The following ESPL1 variants were observed in gnomAD, a reference collection of about 807,000 sequenced individuals.
ESPL1 encodes the protein separin.
In ESPL1, 50 loss-of-function variants were observed where a neutral mutation model predicts 217.2. The ratio of observed to expected loss-of-function variants is 0.23; its 90% CI spans 0.18 to 0.29. ESPL1 has a LOEUF of 0.29. Ranked by LOEUF, ESPL1 falls within the 10% of genes least tolerant of loss-of-function variation. The pLI, the probability that ESPL1 is intolerant of heterozygous loss-of-function variation, is 1.00. For missense variants in ESPL1, 1,834 were observed against 2,603.0 expected (o/e 0.70, Z 6.43); for synonymous variants, 994 against 1,081.3 (o/e 0.92, Z 1.58).
At position 53,279,796 on chromosome 12, in the gene ESPL1, C is replaced by T. The variant is rs780763709; in HGVS notation, c.2429C>T (p.Ser810Leu). The T allele has an allele frequency of 5.0e-6, 8 of 1,613,450 alleles. No homozygotes were observed. The highest frequency in any genetic ancestry group is 4.0e-5 in the African/African-American group (3 of 74,872). The change falls in exon 12 of 31, where the codon TCG becomes TTG. Residue 810 changes from serine to leucine, a missense_variant. This residue lies in a region of ESPL1 where 746 missense variants were observed against 1,077.0 expected (regional missense o/e 0.69). Transcript: ENST00000257934. ...GTCTCTGAGAGACTGAAGGACCACTCGAAGGCAGCTGGCTCCTCCTGCCAC... is the reference window on the plus strand; with the variant it reads ...GTCTCTGAGAGACTGAAGGACCACTTGAAGGCAGCTGGCTCCTCCTGCCAC... ...RIVSERLKDH[S>L]KAAGSSCHIT... is the part of the protein sequence containing the mutation.
intron 19 of ESPL1, 47 bp from the exon 20 acceptor site, chr12:53,288,491 A>G: frequency 6.4e-7 from 1 of 1,574,142 alleles, no homozygotes. Context: ...AACAAAGAGA[A>G]TGGCAGGGGG....
chr12:53,273,835 GGTTT>G (rs1943717467), intron 6 of ESPL1, among the ~76,000 whole-genome samples: 1 of 97,278 alleles, frequency 1.0e-5, no homozygotes, highest in Admixed American at 1.2e-4. Flanking sequence ...TTGGTTTTTT[GGTTT>G]TTTTTTTTTT....
At position 53,293,523 on chromosome 12, in the gene ESPL1, C is replaced by G; in HGVS notation, c.*49C>G. 1 of 1,377,666 alleles carries G rather than the reference C, an allele frequency of 7.3e-7. No individual in the cohort carries two copies. The highest frequency in any genetic ancestry group is 1.0e-6 in the Non-Finnish European group (1 of 968,062). The allele number at this position is 1,377,666 out of a possible 1,614,324, so 85.3% of individuals were successfully genotyped here. The stretch of plus-strand genomic sequence containing the variant: ...GCTAGAAGCCTCATAACTGTTCTAC[C>G]TCCAAGGTTAGATTTAATCCTTAGG... On this transcript the variant is annotated 3_prime_UTR_variant, in exon 31 of 31. Coordinates refer to ENST00000257934, the MANE Select transcript of ESPL1 (RefSeq NM_012291.5). The surrounding 1 kb of genome is among the most constrained non-coding windows in gnomAD (Gnocchi z 4.2).
intron 1 of ESPL1, 41 bp downstream of exon 1, chr12:53,268,418 A>C: frequency 7.2e-6 from 2 of 275,888 alleles, no homozygotes; most frequent in Non-Finnish European, 1.4e-5. Context: ...TACGTGCTGA[A>C]GTGAAGGGGA....
chr12:53,278,295 C>T (rs1039667313), intron 11 of ESPL1, among the ~76,000 whole-genome samples: 1 of 151,774 alleles, frequency 6.6e-6, no homozygotes, highest in Non-Finnish European at 1.5e-5. Flanking sequence ...GGCAACACGG[C>T]GAAACCCCGT....
At position 53,283,211 on chromosome 12, in the gene ESPL1, T is replaced by G; in HGVS notation, c.2874T>G (p.Ile958Met). The change falls in exon 15 of 31, where the codon ATT (isoleucine) becomes ATG (methionine). Residue 958 changes from isoleucine to methionine, a missense_variant. Coordinates refer to ENST00000257934, the MANE Select transcript of ESPL1 (RefSeq NM_012291.5). ...TCCTCCTGCTGATGGGCAGTGACATTCTCTCAACTCAGAAAGCAGCTGTGG... is the reference window on the plus strand; with the variant it reads ...TCCTCCTGCTGATGGGCAGTGACATGCTCTCAACTCAGAAAGCAGCTGTGG... The part of the protein sequence containing the change: ...SIILLLMGSD[I>M]LSTQKAAVET... The G allele has an allele frequency of 6.2e-7, 1 of 1,614,186 alleles. No individual in the cohort carries two copies.
At chr12:53,271,172 G>GTTTTT in intron 5 of ESPL1, among the ~76,000 whole-genome samples, 1 of 117,754 alleles carries the variant, frequency 8.5e-6, no homozygotes, top group Non-Finnish European at 1.7e-5. Flanking sequence ...ATATTTAAGT[G>GTTTTT]TTTTTTTTTT....
At chr12:53,284,027 C>A in intron 16 of ESPL1, 31 bp from the exon 17 acceptor site, 1 of 1,464,910 alleles carries the variant, frequency 6.8e-7, no homozygotes, top group Non-Finnish European at 9.6e-7. Flanking sequence ...AAGGATTCCT[C>A]TGATTGGTTC....
intron 5 of ESPL1, among the ~76,000 whole-genome samples, chr12:53,271,877 C>T (rs1943680907): frequency 6.6e-6 from 1 of 152,128 alleles, no homozygotes. Context: ...ATAACGAGGT[C>T]AGGAGATCGA....
chr12:53,283,306 T>G (rs760731691), intron 15 of ESPL1, 49 bp downstream of exon 15: 2 of 1,610,968 alleles, frequency 1.2e-6, no homozygotes, highest in Non-Finnish European at 1.7e-6. Flanking sequence ...ACAGGCTATG[T>G]GAGAGGGCTG....
chr12:53,277,409 T>C, intron 9 of ESPL1, 61 bp from the exon 10 acceptor site: 1 of 1,569,542 alleles, frequency 6.4e-7, no homozygotes, highest in Non-Finnish European at 8.7e-7. Context: ...GCCTGCCGAG[T>C]AGCCAGGACG....
intron 7 of ESPL1, among the ~76,000 whole-genome samples, chr12:53,275,415 C>T (rs191843684): frequency 1.9e-4 from 29 of 152,068 alleles, no homozygotes; most frequent in African/African-American, 4.3e-4. Context: ...GAGCCGAGAT[C>T]GTGCCACTGC....
chr12:53,271,012 G>A (rs1316584861), intron 5 of ESPL1, among the ~76,000 whole-genome samples: 1 of 151,920 alleles, frequency 6.6e-6, no homozygotes, highest in Non-Finnish European at 1.5e-5. Context: ...CTATTTCCTC[G>A]ACTGGAATCT....
intron 16 of ESPL1, 43 bp from the exon 17 acceptor site, chr12:53,284,015 C>A: frequency 7.1e-7 from 1 of 1,410,298 alleles, no homozygotes; most frequent in Non-Finnish European, 1.0e-6. Context: ...TCCAGGAAAA[C>A]AAAGGATTCC....
chr12:53,284,986 GGGTGACA>G (rs1943921381), intron 17 of ESPL1, among the ~76,000 whole-genome samples: 1 of 145,104 alleles, frequency 6.9e-6, no homozygotes, highest in Admixed American at 7.1e-5. Context: ...ACTCCAGCCC[GGGTGACA>G]GTGCGAGACT....
In ESPL1 at chr12:53,293,469, C is replaced by A. The variant is rs147406279; in HGVS notation, c.6358C>A (p.Arg2120=). Residue 2120 remains arginine (R), a synonymous_variant, in exon 31 of 31, where the codon CGG becomes AGG. Coordinates refer to ENST00000257934, the MANE Select transcript of ESPL1 (RefSeq NM_012291.5). This position sits in a 1 kb window ranked among gnomAD's most constrained non-coding sequence, Gnocchi z 4.2. The part of the protein sequence containing the change: ...PIAYGLPVSL[R] ...AGCCTATGGCTTGCCTGTCTCTCTG[C>A]GGTAACCCCATGGAGCTGTCTTATT... The A allele has an allele frequency of 8.1e-6, 13 of 1,612,358 alleles. No individual in the cohort carries two copies. Among genetic ancestry groups the A allele is most frequent in the Non-Finnish European group, 1.1e-5 (13 of 1,178,510 alleles).
rs1203416401 is a variant in ESPL1, at chr12:53,292,811, C to T, written c.6002C>T (p.Ala2001Val). The change falls in exon 30 of 31, where the codon GCA becomes GTA. Residue 2001 changes from alanine (A) to valine (V), a missense_variant. Ala to Val is a moderately conservative substitution (Grantham distance 64). Coordinates refer to ENST00000257934, the MANE Select transcript of ESPL1 (RefSeq NM_012291.5). This position sits in a 1 kb window ranked among gnomAD's most constrained non-coding sequence, Gnocchi z 4.5. ...CTCACCTCCTTCTGCCTTAGCTATG[C>T]AGGGCATGGGGCTGGTGCCCGCTTC... ...ALTKHDLYIY[A>V]GHGAGARFLD... is the part of the protein sequence containing the mutation. The T allele has an allele frequency of 2.5e-6, 4 of 1,608,826 alleles. No individual in the cohort carries two copies. The highest frequency in any genetic ancestry group is 3.4e-6 in the Non-Finnish European group (4 of 1,179,906).
In ESPL1 at chr12:53,276,643, G is replaced by T. The variant is rs1251075355; in HGVS notation, c.1724G>T (p.Gly575Val). 10 of 1,611,750 alleles carry T rather than the reference G, an allele frequency of 6.2e-6. No homozygotes were observed. Among genetic ancestry groups the T allele is most frequent in the Non-Finnish European group, 8.5e-6 (10 of 1,179,616 alleles). ...AGGACTCTGCGAGACAGCCTCAGTG[G>T]CTGGGACCCGGAGACCCTGGCCCTC... ...QLKTLRDSLS[G>V]WDPETLALLL... The change falls in exon 8 of 31, where the codon GGC becomes GTC. Residue 575 changes from glycine (G) to valine (V), a missense_variant. Gly to Val is a moderately radical substitution (Grantham distance 109). Transcript: ENST00000257934.
chr12:53,278,432 C>T (rs969607441), intron 11 of ESPL1, among the ~76,000 whole-genome samples: 17 of 150,634 alleles, frequency 1.1e-4, no homozygotes, highest in Non-Finnish European at 2.4e-4. Context: ...GCCAAGATCG[C>T]GCCACTGCAC....
Sources: allele counts gnomAD v4.1 joint callset (sites outside exome capture counted in the v4.1 genomes callset), GRCh38; gene constraint gnomAD v4.1.1; regional missense constraint gnomAD v4.1.1; non-coding constraint Gnocchi (gnomAD v3.1); transcripts MANE v1.5; gene names NCBI Gene and HGNC (gene_info 2026-07-23, HGNC 2026-07-21).